Variants in CRMP1 observed in about 807,000 individuals in gnomAD.
CRMP1 encodes the protein dihydropyrimidinase-related protein 1.
In CRMP1, 19 loss-of-function variants were observed where a neutral mutation model predicts 68.3. The observed-to-expected ratio is 0.28, with a 90% CI of 0.19 to 0.41. The LOEUF is 0.41. CRMP1 is among the 10% of genes least tolerant of loss of function. The pLI is 1.00. For synonymous variants in CRMP1, 439 were observed against 399.6 expected (o/e 1.10, Z -1.18); for missense variants, 791 against 967.4 (o/e 0.82, Z 2.42).
chr4:5,860,430 G>C lies in CRMP1; in HGVS notation c.655+596C>G, dbSNP rs560609416. On this transcript the variant is annotated intron_variant, in intron 3 of 13. Coordinates refer to ENST00000324989, the MANE Select transcript of CRMP1 (RefSeq NM_001014809.3). The surrounding 1 kb of genome is among the most constrained non-coding windows in gnomAD (Gnocchi z 4.2). ...GCACACCCTCAAATGAGAAAAACAA[G>C]TGTTGCTTAAGATTTGGGGGCTGTT... 1.5e-4 allele frequency among the ~76,000 whole-genome samples: 23 copies of C among 152,266 alleles called. No individual in the cohort carries two copies. The highest frequency in any genetic ancestry group is 5.3e-4 in the African/African-American group (22 of 41,564).
chr4:5,860,011 A>G lies in CRMP1; in HGVS notation c.655+1015T>C, dbSNP rs1347882964. On this transcript the variant is annotated intron_variant, in intron 3 of 13. Transcript: ENST00000324989. The surrounding 1 kb of genome is among the most constrained non-coding windows in gnomAD (Gnocchi z 4.2). Reference sequence around the variant, plus strand: ...CAAGCAAAAGCGGCTCTTCAAAATCAACACAAGAAACAGCCATCGGGCTGC... The same window carrying G: ...CAAGCAAAAGCGGCTCTTCAAAATCGACACAAGAAACAGCCATCGGGCTGC... Among the ~76,000 whole-genome samples the G allele has an allele frequency of 6.6e-6, 1 of 152,066 alleles. No individual in the cohort carries two copies. Among genetic ancestry groups the G allele is most frequent in the Non-Finnish European group, 1.5e-5 (1 of 68,018 alleles).
chr4:5,830,253 T>C (rs886553130), intron 11 of CRMP1, among the ~76,000 whole-genome samples: 1 of 152,236 alleles, frequency 6.6e-6, no homozygotes, highest in Admixed American at 6.5e-5. Context: ...TATCCTTTGT[T>C]ATGTGTGTTG....
In CRMP1 at chr4:5,828,549, G is replaced by A. The variant is rs942796398; in HGVS notation, c.1743C>T (p.Arg581=). The A allele has an allele frequency of 1.2e-6, 2 of 1,614,216 alleles. No individual in the cohort carries two copies. Among genetic ancestry groups the A allele is most frequent in the Non-Finnish European group, 1.7e-6 (2 of 1,180,038 alleles). Residue 581 remains arginine, a synonymous_variant, in exon 12 of 14, where the codon CGC becomes CGT. Coordinates refer to ENST00000324989, the MANE Select transcript of CRMP1 (RefSeq NM_001014809.3). ...CCGGGAACGCCTTCCGCGGAATGAAGCGGCCCATGCCCTTGTTGACGTTGA... is the reference window on the plus strand; with the variant it reads ...CCGGGAACGCCTTCCGCGGAATGAAACGGCCCATGCCCTTGTTGACGTTGA... ...GNINVNKGMG[R]FIPRKAFPEH... is the part of the protein sequence containing the mutation.
At chr4:5,869,438 T>G (rs1386244266) in intron 1 of CRMP1, among the ~76,000 whole-genome samples, 1 of 151,394 alleles carries the variant, frequency 6.6e-6, no homozygotes, top group Non-Finnish European at 1.5e-5. Flanking sequence ...ATCCCAGCAC[T>G]TTGGGAGGCC....
intron 11 of CRMP1, 23 bp downstream of exon 11, chr4:5,835,892 A>G (rs1231134024): frequency 7.0e-7 from 1 of 1,429,530 alleles, no homozygotes; most frequent in Non-Finnish European, 9.2e-7. Context: ...TTATCTCAGC[A>G]GCACAAATAG....
chr4:5,880,672 T>C (rs144887742), intron 1 of CRMP1, among the ~76,000 whole-genome samples: 4 of 152,342 alleles, frequency 2.6e-5, no homozygotes, highest in Admixed American at 6.5e-5. Flanking sequence ...CCTCTCCCCA[T>C]TGTCAAAGCA....
At position 5,825,365 on chromosome 4, in the gene CRMP1, G is replaced by A; in HGVS notation, c.1969+129C>T. The A allele has an allele frequency of 6.9e-7, 1 of 1,441,298 alleles. No individual in the cohort carries two copies. Among genetic ancestry groups the A allele is most frequent in the South Asian group, 1.6e-5 (1 of 60,816 alleles). The allele number at this position is 1,441,298 out of a possible 1,614,324, so 89.3% of individuals were successfully genotyped here. On this transcript the variant is annotated intron_variant, in intron 13 of 13. Coordinates refer to ENST00000324989, the MANE Select transcript of CRMP1 (RefSeq NM_001014809.3). The surrounding 1 kb of genome is among the most constrained non-coding windows in gnomAD (Gnocchi z 4.4). Reference sequence around the variant, plus strand: ...CCACCAGTGAGAGCAGGCTCGGGTGGGGCACACTCCCTTCCCTGCTTCTTC... The same window carrying A: ...CCACCAGTGAGAGCAGGCTCGGGTGAGGCACACTCCCTTCCCTGCTTCTTC...
chr4:5,827,620 GCA>G (rs141792812), intron 12 of CRMP1, among the ~76,000 whole-genome samples: 12 of 151,384 alleles, frequency 7.9e-5, no homozygotes, highest in Non-Finnish European at 1.0e-4. Context: ...ACACACACGC[GCA>G]CACACACACA....
rs1469253394 is a variant in CRMP1, at chr4:5,826,025, CACAT to C, written c.1804-370_1804-367del. The C allele has an allele frequency of 9.7e-5, 30 of 310,278 alleles. No homozygotes were observed. The East Asian group carries it at 1.7e-3, about 17-fold the overall frequency. 19.2% of individuals were successfully genotyped at this position (310,278 alleles called of 1,614,324 possible). On this transcript the variant is annotated intron_variant, in intron 12 of 13. Transcript: ENST00000324989. ...CGTGAACACGCACACACACTTAAAT[CACAT>C]ACAGATCTTCACAAAGGCATACTCA...
chr4:5,871,568 G>A (rs1405568310), intron 1 of CRMP1, among the ~76,000 whole-genome samples: 2 of 152,128 alleles, frequency 1.3e-5, no homozygotes, highest in South Asian at 2.1e-4. Context: ...GCTGAGGCAG[G>A]AGAATGGCAT....
In CRMP1 at chr4:5,892,529, T is replaced by A. The variant is rs1355087568; in HGVS notation, c.381+60A>T. On this transcript the variant is annotated intron_variant, in intron 1 of 13. Coordinates refer to ENST00000324989, the MANE Select transcript of CRMP1 (RefSeq NM_001014809.3). This position sits in a 1 kb window ranked among gnomAD's most constrained non-coding sequence, Gnocchi z 8.6. ...CCGGGCATGGCCCTCGGGCGCCCCATGCCCTGGGTCCTCCCGGGGCCCGCC... is the reference window on the plus strand; with the variant it reads ...CCGGGCATGGCCCTCGGGCGCCCCAAGCCCTGGGTCCTCCCGGGGCCCGCC... 6.0e-6 allele frequency: 7 copies of A among 1,157,054 alleles called. No homozygotes were observed. The highest frequency in any genetic ancestry group is 6.4e-6 in the Non-Finnish European group (6 of 939,792). The allele number at this position is 1,157,054 out of a possible 1,614,324, so 71.7% of individuals were successfully genotyped here. A position where few individuals can be genotyped will look rare whatever the true frequency, so the allele number is the denominator to read the frequency against.
rs1716007810 is a variant in CRMP1, at chr4:5,892,673, G to C, written c.297C>G (p.Pro99=). Residue 99 remains proline (P), a synonymous_variant, in exon 1 of 14, where the codon CCC becomes CCG. Transcript: ENST00000324989. This position sits in a 1 kb window ranked among gnomAD's most constrained non-coding sequence, Gnocchi z 8.6. ...TCGGCGGCCGCTCGTCGCGCTCTCCGGGAGAGCTGACCGCGGAGCCCGAGG... is the reference window on the plus strand; with the variant it reads ...TCGGCGGCCGCTCGTCGCGCTCTCCCGGAGAGCTGACCGCGGAGCCCGAGG... ...SEPSGSAVSS[P]GERDERPPTL... 2.5e-6 allele frequency: 3 copies of C among 1,215,158 alleles called. No individual in the cohort carries two copies. Among genetic ancestry groups the C allele is most frequent in the South Asian group, 3.5e-5 (1 of 28,580 alleles). The allele number at this position is 1,215,158 out of a possible 1,614,324, so 75.3% of individuals were successfully genotyped here.
chr4:5,881,092 G>C lies in CRMP1; in HGVS notation c.381+11497C>G, dbSNP rs1022007404. 6.6e-6 allele frequency among the ~76,000 whole-genome samples: 1 copy of C among 152,240 alleles called. No homozygotes were observed. Among genetic ancestry groups the C allele is most frequent in the African/African-American group, 2.4e-5 (1 of 41,468 alleles). On this transcript the variant is annotated intron_variant, in intron 1 of 13. Coordinates refer to ENST00000324989, the MANE Select transcript of CRMP1 (RefSeq NM_001014809.3). This position sits in a 1 kb window ranked among gnomAD's most constrained non-coding sequence, Gnocchi z 4.6. ...TGGACACAGCTGATACAAAGGCAGA[G>C]GGCCACACATGGTGTGCCAGGTCAA...
chr4:5,832,070 C>A (rs961937602), intron 11 of CRMP1, among the ~76,000 whole-genome samples: 2 of 152,196 alleles, frequency 1.3e-5, no homozygotes, highest in African/African-American at 4.8e-5. Flanking sequence ...AGAAGCCAGA[C>A]ATAAAAGGCC....
In CRMP1 at chr4:5,825,276, C is replaced by G; in HGVS notation, c.1969+218G>C. 4 of 985,340 alleles carry G rather than the reference C, an allele frequency of 4.1e-6. No homozygotes were observed. Among genetic ancestry groups the G allele is most frequent in the Non-Finnish European group, 4.8e-6 (4 of 829,928 alleles). 61.0% of individuals were successfully genotyped at this position (985,340 alleles called of 1,614,324 possible). A position where few individuals can be genotyped will look rare whatever the true frequency, so the allele number is the denominator to read the frequency against. On this transcript the variant is annotated intron_variant, in intron 13 of 13. Coordinates refer to ENST00000324989, the MANE Select transcript of CRMP1 (RefSeq NM_001014809.3). The surrounding 1 kb of genome is among the most constrained non-coding windows in gnomAD (Gnocchi z 4.4). ...TCTCTTTGTAAACCCACATCAGGTA[C>G]CACCATGTTGCCCCCCTAACATGGA...
At chr4:5,869,885 T>C (rs967019374) in intron 1 of CRMP1, among the ~76,000 whole-genome samples, 7 of 152,064 alleles carry the variant, frequency 4.6e-5, no homozygotes, top group African/African-American at 1.7e-4. Context: ...GCTAGCACTG[T>C]GGGCAACCAG....
chr4:5,880,919 A>G (rs1715182020), intron 1 of CRMP1, among the ~76,000 whole-genome samples: 1 of 152,204 alleles, frequency 6.6e-6, no homozygotes, highest in African/African-American at 2.4e-5. Flanking sequence ...AGTGTTCCTG[A>G]AGGGCTCCTG....
intron 13 of CRMP1, chr4:5,824,854 G>GC (rs2152436356): frequency 1.0e-6 from 1 of 985,354 alleles, no homozygotes; most frequent in East Asian, 1.1e-4. Context: ...CCCTCATGTG[G>GC]CCATCTCACC....
rs1009491382 is a variant in CRMP1, at chr4:5,828,088, C to T, written c.1803+401G>A. On this transcript the variant is annotated intron_variant, in intron 12 of 13. Transcript: ENST00000324989. ...ACACCTTGCTCCACAGGGCCAGACC[C>T]GAGGGTTTCTGAGCCGTGACTCTGG... is the stretch of plus-strand genomic sequence containing the variant. The T allele has an allele frequency of 6.1e-6, 6 of 985,262 alleles. No homozygotes were observed. In the African/African-American group the frequency reaches 8.7e-5, roughly 14 times the overall value. The allele number at this position is 985,262 out of a possible 1,614,324, so 61.0% of individuals were successfully genotyped here. A position where few individuals can be genotyped will look rare whatever the true frequency, so the allele number is the denominator to read the frequency against.
Sources: gnomAD v4.1 joint callset for allele counts (sites outside exome capture counted in the v4.1 genomes callset) on GRCh38, gnomAD v4.1.1 for gene constraint, Gnocchi (gnomAD v3.1) non-coding constraint, MANE v1.5 for transcripts, NCBI Gene and HGNC (gene_info 2026-07-23, HGNC 2026-07-21) for gene names.